Variants in NPC1 observed in about 807,000 individuals in gnomAD.
The protein encoded by NPC1 is Niemann-Pick C1 protein.
Under a neutral mutation model 140.4 loss-of-function variants are expected in NPC1, and 85 were observed. The ratio of observed to expected loss-of-function variants is 0.61; its 90% CI spans 0.51 to 0.72. The LOEUF (loss-of-function observed/expected upper bound fraction) is 0.72, where lower values mean the gene tolerates loss of function less well. Ranked by LOEUF, NPC1 falls within the 30% of genes least tolerant of loss-of-function variation. NPC1 has a pLI of 0.00. For missense variants in NPC1, 1,504 were observed against 1,623.8 expected (o/e 0.93, Z 1.27); for synonymous variants, 656 against 624.8 (o/e 1.05, Z -0.74).
rs140820333 is a variant in NPC1, at chr18:23,544,616, G to T, written c.1948-90C>A. 194 of 1,169,900 alleles carry T rather than the reference G, an allele frequency of 1.7e-4. 2 individuals are homozygous for T. The highest frequency in any genetic ancestry group is 1.8e-4 in the Non-Finnish European group (140 of 792,184). 72.5% of individuals were successfully genotyped at this position (1,169,900 alleles called of 1,614,324 possible). A position where few individuals can be genotyped will look rare whatever the true frequency, so the allele number is the denominator to read the frequency against. On this transcript the variant is annotated intron_variant, in intron 12 of 24. Transcript: ENST00000269228. ...AAGGTCCTCCTTTTTACTTTACAGG[G>T]CTGTATTAAACCTAGAGTTGAATGT... is the stretch of plus-strand genomic sequence containing the variant.
intron 1 of NPC1, chr18:23,577,081 G>A (rs1374178717): frequency 1.3e-5 from 2 of 151,982 alleles, no homozygotes; most frequent in Non-Finnish European, 2.9e-5. Flanking sequence ...TAGATACAAA[G>A]GTTCTCCACG....
At chr18:23,576,369 C>T (rs923367332) in intron 1 of NPC1, 3 of 524,198 alleles carry the variant, frequency 5.7e-6, no homozygotes, top group Admixed American at 6.4e-5. Context: ...CTGCAGTGAG[C>T]TGAGATAGCA....
At chr18:23,555,017 GA>G (rs747010715) in intron 8 of NPC1, 33 bp from the exon 9 acceptor site, 1 of 1,331,396 alleles carries the variant, frequency 7.5e-7, no homozygotes, top group Non-Finnish European at 1.1e-6. Context: ...AGCAAACCCA[GA>G]AACACGTCAC....
downstream of NPC1, chr18:23,530,147 A>AT (rs777599626): frequency 1.2e-6 from 2 of 1,613,864 alleles, no homozygotes; most frequent in South Asian, 2.2e-5. Flanking sequence ...GCATTGCCAG[A>AT]TTTTTACTTC....
intron 16 of NPC1, 72 bp downstream of exon 16, chr18:23,540,996 C>G (rs1335909451): frequency 9.1e-6 from 14 of 1,542,944 alleles, no homozygotes; most frequent in African/African-American, 2.7e-5. Flanking sequence ...CCCAGGCTGT[C>G]TGGCTTCTTA....
intron 9 of NPC1, 33 bp from the exon 10 acceptor site, chr18:23,551,760 A>G: frequency 2.1e-6 from 3 of 1,423,334 alleles, no homozygotes; most frequent in Non-Finnish European, 3.0e-6. Context: ...CCTCCCAGTT[A>G]GAAGGGCCTC....
rs745328444 is a variant in NPC1, at chr18:23,532,209, T to C, written c.3830A>G (p.Asn1277Ser). The C allele has an allele frequency of 6.2e-6, 10 of 1,614,126 alleles. No homozygotes were observed. The highest frequency in any genetic ancestry group is 8.5e-6 in the Non-Finnish European group (10 of 1,180,028). The change falls in exon 25 of 25, where the codon AAT becomes AGT. Residue 1277 changes from asparagine (N) to serine (S), a missense_variant. Asn to Ser is a conservative substitution (Grantham distance 46). Coordinates refer to ENST00000269228, the MANE Select transcript of NPC1 (RefSeq NM_000271.5). ...YKGTERERLL[N>S]F is the part of the protein sequence containing the mutation. ...GGATGCCCTGCGAGAGGGCTAGAAA[T>C]TTAGAAGCCGTTCGCGCTCTGTTCC...
At chr18:23,550,545 G>A (rs1598966255) in intron 10 of NPC1, among the ~76,000 whole-genome samples, 1 of 123,208 alleles carries the variant, frequency 8.1e-6, no homozygotes, top group Admixed American at 9.8e-5. Context: ...GCAGTGACTT[G>A]ATCTTGGCTC....
chr18:23,542,243 AAG>A (rs36019635), intron 14 of NPC1, among the ~76,000 whole-genome samples: 54,096 of 149,986 alleles, frequency 0.36, 11,135 homozygotes, highest in Admixed American at 0.46. Context: ...TAGTGAAAAA[AAG>A]AAAGTTTTTT....
chr18:23,533,652 G>A, intron 23 of NPC1, 135 bp from the exon 24 acceptor site: 1 of 834,480 alleles, frequency 1.2e-6, no homozygotes, highest in South Asian at 1.4e-5. Context: ...GATTAAACAG[G>A]TGCACGCCAC....
intron 1 of NPC1, among the ~76,000 whole-genome samples, chr18:23,577,374 T>C (rs2059298953): frequency 6.7e-6 from 1 of 149,636 alleles, no homozygotes; most frequent in Non-Finnish European, 1.5e-5. Context: ...TGCTGATTGG[T>C]GTATTTACAA....
downstream of NPC1, chr18:23,530,581 G>C (rs772985708): frequency 6.2e-7 from 1 of 1,614,018 alleles, no homozygotes; most frequent in Admixed American, 1.7e-5. Context: ...AGCGAAACCA[G>C]CGTTTGCGAG....
At chr18:23,573,615 C>CA in intron 1 of NPC1, 41 bp from the exon 2 acceptor site, 1 of 1,613,672 alleles carries the variant, frequency 6.2e-7, no homozygotes, top group Non-Finnish European at 8.5e-7. Context: ...ACCAGGGTCT[C>CA]AATGGTAAAT....
intron 19 of NPC1, 48 bp downstream of exon 19, chr18:23,539,307 T>C (rs1246377499): frequency 7.3e-7 from 1 of 1,363,812 alleles, no homozygotes; most frequent in Non-Finnish European, 1.0e-6. Context: ...AATGATAATT[T>C]GAAAATTTTT....
Position 23,545,006 on chromosome 18 carries a change from T to C in NPC1, c.1901A>G (p.Tyr634Cys), listed in dbSNP as rs202140203. The C allele has an allele frequency of 3.2e-6, 5 of 1,542,326 alleles. No homozygotes were observed. The African/African-American group carries it at 5.7e-5, about 17-fold the overall frequency. The change falls in exon 12 of 25, where the codon TAT becomes TGT. Residue 634 changes from tyrosine (Y) to cysteine (C), a missense_variant. Tyr to Cys is a radical substitution (Grantham distance 194). Transcript: ENST00000269228. ...VVISYAIMFL[Y>C]ISLALGHMKS... ...CATGTGCCCCAAGGCTAGGGAAATA[T>C]ATAGAAACATGATGGCATAGCTAAT... is the stretch of plus-strand genomic sequence containing the variant.
At chr18:23,530,911 A>G (rs892557031), downstream of NPC1, among the ~76,000 whole-genome samples, 4 of 152,196 alleles carry the variant, frequency 2.6e-5, no homozygotes, top group African/African-American at 9.6e-5. Flanking sequence ...AAAGCCAGGA[A>G]TAAGACGGCA....
intron 3 of NPC1, chr18:23,506,876 C>A: frequency 2.3e-6 from 2 of 859,980 alleles, no homozygotes; most frequent in South Asian, 3.0e-5. Flanking sequence ...AATTTGCTGC[C>A]TCCTGAATAT....
At chr18:23,516,213 G>C in intron 3 of NPC1, 1 of 1,411,626 alleles carries the variant, frequency 7.1e-7, no homozygotes, top group Non-Finnish European at 1.0e-6. Context: ...CGGTGGAAAG[G>C]ATCCAAAGAC....
intron 16 of NPC1, 54 bp downstream of exon 16, chr18:23,541,014 T>C: frequency 1.9e-6 from 3 of 1,592,958 alleles, no homozygotes; most frequent in Non-Finnish European, 2.6e-6. Flanking sequence ...TTAGAAGGCA[T>C]GTGATAATCT....
Sources: gnomAD v4.1 joint callset for allele counts (sites outside exome capture counted in the v4.1 genomes callset) on GRCh38, gnomAD v4.1.1 for gene constraint, MANE v1.5 for transcripts, NCBI Gene and HGNC (gene_info 2026-07-23, HGNC 2026-07-21) for gene names.